The following UNC80 variants were observed in gnomAD, a reference collection of about 807,000 sequenced individuals.
UNC80 encodes unc-80 subunit of NALCN channel complex, also known as protein unc-80 homolog.
UNC80 carries 164 observed loss-of-function variants against 384.6 expected under a neutral mutation model. That is an observed-to-expected ratio of 0.43 (90% confidence interval 0.38 to 0.49). The LOEUF (loss-of-function observed/expected upper bound fraction) is 0.49. Ranked by LOEUF, UNC80 falls within the 20% of genes least tolerant of loss-of-function variation. The pLI, the probability that UNC80 is intolerant of heterozygous loss-of-function variation, is 0.00. For synonymous variants in UNC80, 1,486 were observed against 1,527.8 expected (o/e 0.97, Z 0.64); for missense variants, 3,330 against 4,143.0 (o/e 0.80, Z 5.39).
intron 51 of UNC80, among the ~76,000 whole-genome samples, chr2:209,964,902 A>T (rs2092701502): frequency 6.6e-6 from 1 of 152,180 alleles, no homozygotes; most frequent in African/African-American, 2.4e-5. Context: ...ATTTGTTAAA[A>T]AAAAGTAATT....
chr2:209,905,277 T>C (rs1440738217), intron 29 of UNC80, among the ~76,000 whole-genome samples: 1 of 152,220 alleles, frequency 6.6e-6, no homozygotes, highest in Admixed American at 6.5e-5. Context: ...ATTCACATCC[T>C]AATCTCTGGA....
rs963298958 is a variant in UNC80, at chr2:209,811,958, A to G, written c.939-1622A>G. Among the ~76,000 whole-genome samples, 6 of 152,262 alleles carry G rather than the reference A, an allele frequency of 3.9e-5. No homozygotes were observed. The South Asian group carries it at 1.0e-3, about 26-fold the overall frequency. On this transcript the variant is annotated intron_variant, in intron 7 of 64. Transcript: ENST00000673920. ...AAACCCACAGTCAGAAATGTATTTT[A>G]CCAATGACTCAAAACAAATGGTCAT...
At position 209,945,840 on chromosome 2, in the gene UNC80, C is replaced by G; in HGVS notation, c.7190-7C>G. ...TGATAGTTTGCCTTTACTTTTTGTT[C>G]CTTCAGATTTCTGCTATGGAAACGA... On this transcript the variant is annotated splice_polypyrimidine_tract_variant and splice_region_variant and intron_variant, in intron 46 of 64. Coordinates refer to ENST00000673920, the MANE Select transcript of UNC80 (RefSeq NM_001371986.1). 2 of 1,548,886 alleles carry G rather than the reference C, an allele frequency of 1.3e-6. No homozygotes were observed. The highest frequency in any genetic ancestry group is 1.7e-6 in the Non-Finnish European group (2 of 1,144,610).
chr2:209,772,971 T>C (rs2076662031), intron 1 of UNC80, 123 bp from the exon 2 acceptor site: 2 of 764,802 alleles, frequency 2.6e-6, no homozygotes, highest in Non-Finnish European at 2.2e-6. Context: ...TAAAAAGCTA[T>C]AAGGAAGCAT....
At chr2:209,969,643 A>G (rs2092827257) in intron 52 of UNC80, 125 bp from the exon 53 acceptor site, 36 of 1,333,166 alleles carry the variant, frequency 2.7e-5, no homozygotes, top group Non-Finnish European at 3.4e-5. Flanking sequence ...TTGGAACAAT[A>G]TGGGTAAACT....
At chr2:209,786,259 G>C in intron 5 of UNC80, 70 bp downstream of exon 5, 1 of 1,508,082 alleles carries the variant, frequency 6.6e-7, no homozygotes, top group Non-Finnish European at 8.9e-7. Flanking sequence ...AGAGTGATGG[G>C]ATAATTTGCC....
intron 7 of UNC80, among the ~76,000 whole-genome samples, chr2:209,810,660 A>C (rs2079277072): frequency 6.6e-6 from 1 of 152,168 alleles, no homozygotes; most frequent in African/African-American, 2.4e-5. Flanking sequence ...GAACTCCCTA[A>C]TCTAATTTAC....
At chr2:209,786,272 T>C in intron 5 of UNC80, 83 bp downstream of exon 5, 1 of 1,481,468 alleles carries the variant, frequency 6.8e-7, no homozygotes, top group Non-Finnish European at 9.0e-7. Context: ...AATTTGCCCC[T>C]AAGAAGTCAA....
intron 7 of UNC80, among the ~76,000 whole-genome samples, chr2:209,807,122 TA>T (rs2078950112): frequency 6.6e-6 from 1 of 152,196 alleles, no homozygotes; most frequent in African/African-American, 2.4e-5. Flanking sequence ...ACACATACAA[TA>T]TTTTTAAAAT....
chr2:209,881,439 A>C (rs150509327), intron 25 of UNC80, among the ~76,000 whole-genome samples: 96 of 152,216 alleles, frequency 6.3e-4, no homozygotes, highest in African/African-American at 2.1e-3. Context: ...CTCACCAACA[A>C]ATTTTTTTAT....
intron 26 of UNC80, 96 bp from the exon 27 acceptor site, chr2:209,894,067 A>C: frequency 1.2e-6 from 1 of 827,264 alleles, no homozygotes; most frequent in South Asian, 5.5e-5. Context: ...AGGCCAGCAG[A>C]GGAGGCTGAT....
intron 24 of UNC80, among the ~76,000 whole-genome samples, chr2:209,879,071 C>T (rs2085042681): frequency 6.6e-6 from 1 of 151,926 alleles, no homozygotes; most frequent in East Asian, 1.9e-4. Context: ...TCATGTTACC[C>T]CTTCTAAGAC....
chr2:209,822,220 TAACA>T (rs1259891689), intron 13 of UNC80, among the ~76,000 whole-genome samples: 2 of 152,238 alleles, frequency 1.3e-5, no homozygotes, highest in African/African-American at 2.4e-5. Flanking sequence ...AAGGCAATTC[TAACA>T]AACTATTGGA....
rs1200850810 is a variant in UNC80 at position 209,973,231 on chromosome 2, G to C, written c.8548G>C (p.Glu2850Gln). The change falls in exon 56 of 65, where the codon GAA (glutamate) becomes CAA (glutamine). Residue 2850 changes from glutamate to glutamine, a missense_variant. Glu to Gln is a conservative substitution (Grantham distance 29). Coordinates refer to ENST00000673920, the MANE Select transcript of UNC80 (RefSeq NM_001371986.1). ...PGDAGKDLRREGLAESTSQAA... is the reference protein window; with the variant it reads ...PGDAGKDLRRQGLAESTSQAA... Reference sequence around the variant, plus strand: ...GGATGCGGGGAAAGACTTGCGCAGGGAAGGGCTGGCTGAGTCCACCAGCCA... The same window carrying C: ...GGATGCGGGGAAAGACTTGCGCAGGCAAGGGCTGGCTGAGTCCACCAGCCA... The C allele has an allele frequency of 6.4e-7, 1 of 1,551,592 alleles. No individual in the cohort carries two copies. Among genetic ancestry groups the C allele is most frequent in the Admixed American group, 2.0e-5 (1 of 50,988 alleles).
intron 22 of UNC80, among the ~76,000 whole-genome samples, chr2:209,865,583 A>G (rs1328920235): frequency 1.3e-5 from 2 of 150,874 alleles, no homozygotes; most frequent in Admixed American, 6.6e-5. Context: ...GCTCCGTCTC[A>G]GAAAAAAAAA....
intron 25 of UNC80, among the ~76,000 whole-genome samples, chr2:209,887,248 A>G (rs1226436810): frequency 1.3e-5 from 2 of 152,036 alleles, no homozygotes; most frequent in South Asian, 2.1e-4. Flanking sequence ...GATGTTGGTC[A>G]GGCTGGTCTC....
chr2:209,934,197 C>T (rs1328025211), intron 39 of UNC80, among the ~76,000 whole-genome samples, 192 bp downstream of exon 39: 1 of 152,058 alleles, frequency 6.6e-6, no homozygotes, highest in African/African-American at 2.4e-5. Context: ...TCAGCGGTTG[C>T]CAGCTGAAAA....
At chr2:209,954,427 A>C in intron 48 of UNC80, 157 bp downstream of exon 48, 1 of 533,694 alleles carries the variant, frequency 1.9e-6, no homozygotes, top group Non-Finnish European at 3.0e-6. Flanking sequence ...AACTGTGAAC[A>C]GTTCGTGAGT....
chr2:209,784,292 A>G (rs935486429), intron 4 of UNC80, among the ~76,000 whole-genome samples: 1 of 152,104 alleles, frequency 6.6e-6, no homozygotes, highest in Non-Finnish European at 1.5e-5. Flanking sequence ...AACTATTCTC[A>G]ACAGCCTGAG....
Sources: gnomAD v4.1 joint callset for allele counts (sites outside exome capture counted in the v4.1 genomes callset) on GRCh38, gnomAD v4.1.1 for gene constraint, MANE v1.5 for transcripts, NCBI Gene and HGNC (gene_info 2026-07-23, HGNC 2026-07-21) for gene names.